FOLH1: variants seen among roughly 807,000 people sequenced by gnomAD.
The protein encoded by FOLH1 is folate hydrolase 1.
Under a neutral mutation model 93.9 loss-of-function variants are expected in FOLH1, and 54 were observed. That is an observed-to-expected ratio of 0.57 (90% CI 0.46 to 0.72). The LOEUF (loss-of-function observed/expected upper bound fraction) is 0.72, where lower values mean the gene tolerates loss of function less well. FOLH1 is among the 30% of genes least tolerant of loss of function. FOLH1 has a pLI of 0.00. For missense variants in FOLH1, 571 were observed against 892.5 expected (o/e 0.64, Z 4.59); for synonymous variants, 249 against 303.6 (o/e 0.82, Z 1.87).
chr11:49,203,874 C>A (rs916701096), intron 2 of FOLH1, among the ~76,000 whole-genome samples: 1 of 152,198 alleles, frequency 6.6e-6, no homozygotes, highest in African/African-American at 2.4e-5. Flanking sequence ...CAGCATTGAT[C>A]GCATTGCCTC....
intron 16 of FOLH1, 111 bp from the exon 17 acceptor site, chr11:49,154,038 C>A: frequency 1.5e-6 from 2 of 1,314,064 alleles, no homozygotes; most frequent in Non-Finnish European, 2.1e-6. Context: ...TTGTGTTTTA[C>A]AAGGTATTTA....
chr11:49,167,857 A>C (rs1858604443), intron 12 of FOLH1, among the ~76,000 whole-genome samples: 1 of 151,684 alleles, frequency 6.6e-6, no homozygotes, highest in South Asian at 2.1e-4. Flanking sequence ...GAACAGAAAC[A>C]GAAAAAAAAA....
In FOLH1 at chr11:49,160,635, G is replaced by A. The variant is rs555771950; in HGVS notation, c.1441-2592C>T. Among the ~76,000 whole-genome samples, 41 of 152,032 alleles carry A rather than the reference G, an allele frequency of 2.7e-4. 1 individual carries two copies. The highest frequency in any genetic ancestry group is 2.4e-3 in the Admixed American group (37 of 15,276). On this transcript the variant is annotated intron_variant, in intron 13 of 18. Transcript: ENST00000256999. ...TTTTTTGTATTTTTAGTAGAGACGG[G>A]GTTTCACTGTGTTTGCCAGGATGGT...
chr11:49,156,820 A>G lies in FOLH1; in HGVS notation c.1533-13T>C, dbSNP rs1590435528. 1.9e-6 allele frequency: 3 copies of G among 1,610,624 alleles called. No individual in the cohort carries two copies. Among genetic ancestry groups the G allele is most frequent in the African/African-American group, 1.3e-5 (1 of 74,872 alleles). ...CAATTTGCTTATCCTTTTAGAGATAAAACAACAGAATTATTTCAAAGTAAT... is the reference window on the plus strand; with the variant it reads ...CAATTTGCTTATCCTTTTAGAGATAGAACAACAGAATTATTTCAAAGTAAT... On this transcript the variant is annotated splice_polypyrimidine_tract_variant and intron_variant, in intron 14 of 18. Transcript: ENST00000256999.
rs1856552795 is a variant in FOLH1, at chr11:49,151,955, C to A, written c.1970+1891G>T. Among the ~76,000 whole-genome samples, 6 of 152,162 alleles carry A rather than the reference C, an allele frequency of 3.9e-5. No individual in the cohort carries two copies. The South Asian group carries it at 1.0e-3, about 26-fold the overall frequency. On this transcript the variant is annotated intron_variant, in intron 17 of 18. Transcript: ENST00000256999. ...ATAGGAAAACAATTCTTCCAATATT[C>A]CCTGAGGATAGCACAATTATTATAA...
intron 7 of FOLH1, among the ~76,000 whole-genome samples, chr11:49,178,533 T>C (rs1860364716): frequency 6.6e-6 from 1 of 152,180 alleles, no homozygotes; most frequent in Non-Finnish European, 1.5e-5. Context: ...AATAGTTATA[T>C]ATAAGAATCT....
At chr11:49,191,287 C>G (rs1314576400) in intron 4 of FOLH1, among the ~76,000 whole-genome samples, 8 of 152,208 alleles carry the variant, frequency 5.3e-5, no homozygotes, top group Non-Finnish European at 1.2e-4. Context: ...GCTGGGATTA[C>G]AGGCGTTAGC....
chr11:49,190,306 A>G (rs537539481), intron 4 of FOLH1, among the ~76,000 whole-genome samples: 1 of 152,348 alleles, frequency 6.6e-6, no homozygotes, highest in African/African-American at 2.4e-5. Flanking sequence ...AAATGAAAAC[A>G]AGTGTGACAG....
chr11:49,178,214 C>A (rs1026489727), intron 7 of FOLH1, among the ~76,000 whole-genome samples: 1 of 152,178 alleles, frequency 6.6e-6, no homozygotes, highest in African/African-American at 2.4e-5. Context: ...GACACTACCT[C>A]TTCACCAGCT....
chr11:49,158,717 T>G (rs202687), intron 13 of FOLH1, among the ~76,000 whole-genome samples: 27,212 of 152,142 alleles, frequency 0.18, 2,799 homozygotes, highest in African/African-American at 0.27. Context: ...TAAATTACTT[T>G]GGGCAATATG....
At chr11:49,177,462 A>T (rs1156279004) in intron 7 of FOLH1, among the ~76,000 whole-genome samples, 2 of 152,134 alleles carry the variant, frequency 1.3e-5, no homozygotes, top group African/African-American at 4.8e-5. Context: ...ATATTGATAC[A>T]GGAGGTAGAA....
At chr11:49,175,071 G>C (rs902541503) in intron 8 of FOLH1, 94 bp from the exon 9 acceptor site, 4 of 1,129,444 alleles carry the variant, frequency 3.5e-6, no homozygotes, top group Non-Finnish European at 5.1e-6. Context: ...TGCCTTTGAA[G>C]GTTCAAGTCT....
chr11:49,207,948 C>CCAACAAAACA (rs1864155330), intron 1 of FOLH1: 1 of 496,220 alleles, frequency 2.0e-6, no homozygotes, highest in East Asian at 5.1e-5. Flanking sequence ...AACAAACAAA[C>CCAACAAAACA]AAACAAAACA....
rs530688140 is a variant in FOLH1 at position 49,153,704 on chromosome 11, C to G, written c.1970+142G>C. 1,071 of 524,344 alleles carry G rather than the reference C, an allele frequency of 2.0e-3. 16 individuals carry two copies. The highest frequency in any genetic ancestry group is 0.02 in the African/African-American group (996 of 50,392). The allele number at this position is 524,344 out of a possible 1,614,324, so 32.5% of individuals were successfully genotyped here. On this transcript the variant is annotated intron_variant, in intron 17 of 18. Transcript: ENST00000256999. ...CTGCACGTTCTGTCCATGTATCCAG[C>G]AACTTAAAGTAAAACAAATTTAAAA...
At chr11:49,147,618 A>C (rs1369729115) in intron 18 of FOLH1, among the ~76,000 whole-genome samples, 1 of 152,028 alleles carries the variant, frequency 6.6e-6, no homozygotes, top group African/African-American at 2.4e-5. Flanking sequence ...AGAAGGACAA[A>C]CTCCATAGTA....
intron 7 of FOLH1, among the ~76,000 whole-genome samples, chr11:49,179,296 A>G (rs1228420667): frequency 6.6e-6 from 1 of 152,226 alleles, no homozygotes; most frequent in Non-Finnish European, 1.5e-5. Flanking sequence ...AGTGTAACTC[A>G]AGTGCACATG....
Position 49,188,282 on chromosome 11 carries a change from G to A in FOLH1, c.514-1513C>T, listed in dbSNP as rs536032174. On this transcript the variant is annotated intron_variant, in intron 4 of 18. Coordinates refer to ENST00000256999, the MANE Select transcript of FOLH1 (RefSeq NM_004476.3). ...GTAATCCCAGCACTTTGGGAGGCTG[G>A]GTTGGGTGGATCACTTGAGGTTGGG... is the stretch of plus-strand genomic sequence containing the variant. Among the ~76,000 whole-genome samples the A allele has an allele frequency of 5.3e-5, 8 of 152,078 alleles. No homozygotes were observed. The South Asian group carries it at 1.5e-3, about 28-fold the overall frequency.
chr11:49,166,175 A>T (rs1348427338), intron 12 of FOLH1, among the ~76,000 whole-genome samples: 1 of 152,224 alleles, frequency 6.6e-6, no homozygotes, highest in Non-Finnish European at 1.5e-5. Context: ...GCTGATATGG[A>T]AAGTTTTTCA....
In FOLH1 at chr11:49,145,890, T is replaced by C. The variant is rs1366923110; in HGVS notation, c.*866A>G. On this transcript the variant is annotated 3_prime_UTR_variant, in exon 19 of 19. Coordinates refer to ENST00000256999, the MANE Select transcript of FOLH1 (RefSeq NM_004476.3). Reference sequence around the variant, plus strand: ...GAATGAATGCTCTATATCAGCAAAATATGGCAAACTACAGCCACAGTGATA... The same window carrying C: ...GAATGAATGCTCTATATCAGCAAAACATGGCAAACTACAGCCACAGTGATA... 6.6e-6 allele frequency among the ~76,000 whole-genome samples: 1 copy of C among 152,090 alleles called. No homozygotes were observed. Among genetic ancestry groups the C allele is most frequent in the Non-Finnish European group, 1.5e-5 (1 of 68,014 alleles).
Sources: allele counts gnomAD v4.1 joint callset (sites outside exome capture counted in the v4.1 genomes callset), GRCh38; gene constraint gnomAD v4.1.1; transcripts MANE v1.5; gene names NCBI Gene and HGNC (gene_info 2026-07-23, HGNC 2026-07-21).